Variants in RTN4IP1 observed in about 807,000 individuals in gnomAD.
RTN4IP1 encodes NAD(P)H oxidoreductase RTN4IP1, mitochondrial.
RTN4IP1 carries 32 observed loss-of-function variants against 46.6 expected under a neutral mutation model. That is an observed-to-expected ratio of 0.69 (90% CI 0.52 to 0.92). The LOEUF (loss-of-function observed/expected upper bound fraction) is 0.92, where lower values mean the gene tolerates loss of function less well. RTN4IP1 is among the 40% of genes least tolerant of loss of function. The pLI, the probability that RTN4IP1 is intolerant of heterozygous loss-of-function variation, is 0.00. For synonymous variants in RTN4IP1, 167 were observed against 161.8 expected (o/e 1.03, Z -0.24); for missense variants, 424 against 485.8 (o/e 0.87, Z 1.20).
intron 8 of RTN4IP1, among the ~76,000 whole-genome samples, chr6:106,574,875 A>C (rs1373401060): frequency 6.6e-6 from 1 of 152,250 alleles, no homozygotes; most frequent in African/African-American, 2.4e-5. Context: ...GTTACTGCCC[A>C]CTTTAATCTG....
chr6:106,628,477 A>G (rs550550057), intron 1 of RTN4IP1, among the ~76,000 whole-genome samples: 2 of 152,188 alleles, frequency 1.3e-5, no homozygotes, highest in Non-Finnish European at 2.9e-5. Flanking sequence ...CAAAAAAAAA[A>G]AAGTTAGCTA....
chr6:106,581,975 A>G (rs534906742), intron 8 of RTN4IP1, among the ~76,000 whole-genome samples: 125 of 152,344 alleles, frequency 8.2e-4, no homozygotes, highest in African/African-American at 2.9e-3. Flanking sequence ...TAGAAATAAA[A>G]TAAGCATTCC....
At chr6:106,578,603 A>G (rs1775282898) in intron 8 of RTN4IP1, among the ~76,000 whole-genome samples, 1 of 152,204 alleles carries the variant, frequency 6.6e-6, no homozygotes, top group Non-Finnish European at 1.5e-5. Context: ...ATTATAAATC[A>G]TTCTTTTTGA....
At chr6:106,580,819 T>C (rs1775352351) in intron 8 of RTN4IP1, among the ~76,000 whole-genome samples, 1 of 151,828 alleles carries the variant, frequency 6.6e-6, no homozygotes, top group African/African-American at 2.4e-5. Context: ...TACAATTAGG[T>C]ACTAAACATA....
rs1313578314 is a variant in RTN4IP1 at position 106,578,170 on chromosome 6, C to A, written c.1083+5158G>T. ...AAATACAAGATGACAGAGTAAAATACCAAGAACTCAAACTCTAGGTAACAA... is the reference window on the plus strand; with the variant it reads ...AAATACAAGATGACAGAGTAAAATAACAAGAACTCAAACTCTAGGTAACAA... On this transcript the variant is annotated intron_variant, in intron 8 of 8. Transcript: ENST00000369063. 2.0e-5 allele frequency among the ~76,000 whole-genome samples: 3 copies of A among 152,156 alleles called. No individual in the cohort carries two copies. The East Asian group carries it at 5.8e-4, about 29-fold the overall frequency.
intron 1 of RTN4IP1, among the ~76,000 whole-genome samples, chr6:106,626,741 T>A (rs936044120): frequency 2.6e-5 from 4 of 152,170 alleles, no homozygotes; most frequent in African/African-American, 9.7e-5. Context: ...GGCCCTTAAG[T>A]GTTCCATCCT....
intron 4 of RTN4IP1, among the ~76,000 whole-genome samples, chr6:106,605,676 G>C (rs1776046824): frequency 6.6e-6 from 1 of 151,582 alleles, no homozygotes; most frequent in Non-Finnish European, 1.5e-5. Flanking sequence ...AATTAGCCAG[G>C]CATGGTGGCA....
chr6:106,628,208 C>T (rs535501632), intron 1 of RTN4IP1, among the ~76,000 whole-genome samples: 4 of 152,180 alleles, frequency 2.6e-5, no homozygotes, highest in Admixed American at 2.6e-4. Flanking sequence ...AATGGCTCGT[C>T]TGTAATCCCA....
rs535245385 is a variant in RTN4IP1 at position 106,602,671 on chromosome 6, G to A, written c.669+203C>T. Among the ~76,000 whole-genome samples, 26 of 152,156 alleles carry A rather than the reference G, an allele frequency of 1.7e-4. No individual in the cohort carries two copies. In the South Asian group the frequency reaches 5.2e-3, roughly 30 times the overall value. On this transcript the variant is annotated intron_variant, in intron 5 of 8. Transcript: ENST00000369063. ...TGATTGTGCCACTGCACTCCAGCCT[G>A]GGTGACACAGCAAGACTCCATCTCT...
In RTN4IP1 at chr6:106,622,745, C is replaced by T. The variant is rs112211355; in HGVS notation, c.426+73G>A. 1,153 of 1,464,766 alleles carry T rather than the reference C, an allele frequency of 7.9e-4. 7 individuals carry two copies. In the African/African-American group the frequency reaches 0.012, roughly 15 times the overall value. The allele number at this position is 1,464,766 out of a possible 1,614,324, so 90.7% of individuals were successfully genotyped here. On this transcript the variant is annotated intron_variant, in intron 2 of 8. Coordinates refer to ENST00000369063, the MANE Select transcript of RTN4IP1 (RefSeq NM_032730.5). Reference sequence around the variant, plus strand: ...CAGGCAAAGTATCTGTGTCAGTGTGCGTCTCTCATCCGTCGCTGGATCAGG... The same window carrying T: ...CAGGCAAAGTATCTGTGTCAGTGTGTGTCTCTCATCCGTCGCTGGATCAGG...
At chr6:106,627,113 T>C (rs1322855829) in intron 1 of RTN4IP1, among the ~76,000 whole-genome samples, 1 of 143,366 alleles carries the variant, frequency 7.0e-6, no homozygotes, top group Non-Finnish European at 1.5e-5. Context: ...TCTTCTGCAA[T>C]GACAATAAAT....
chr6:106,583,542 A>AG, intron 7 of RTN4IP1, 122 bp from the exon 8 acceptor site: 1 of 732,602 alleles, frequency 1.4e-6, no homozygotes. Flanking sequence ...TCATGCTGAC[A>AG]AAATGTGTGC....
rs1461421418 is a variant in RTN4IP1 at position 106,629,198 on chromosome 6, G to C, written c.-177C>G. 3.3e-6 allele frequency: 2 copies of C among 613,468 alleles called. No homozygotes were observed. The allele number at this position is 613,468 out of a possible 1,614,324, so 38.0% of individuals were successfully genotyped here. On this transcript the variant is annotated 5_prime_UTR_variant, in exon 1 of 9. Coordinates refer to ENST00000369063, the MANE Select transcript of RTN4IP1 (RefSeq NM_032730.5). Reference sequence around the variant, plus strand: ...ATGGAGAAACTGAAAGAAGAATACGGAACTGTTATTCCGCTCTTCGCATAT... The same window carrying C: ...ATGGAGAAACTGAAAGAAGAATACGCAACTGTTATTCCGCTCTTCGCATAT...
At chr6:106,619,415 T>G in intron 3 of RTN4IP1, 89 bp from the exon 4 acceptor site, 2 of 1,480,516 alleles carry the variant, frequency 1.4e-6, no homozygotes, top group Non-Finnish European at 1.8e-6. Context: ...GGAATCCAGC[T>G]GACCCTTGAA....
chr6:106,591,757 T>C (rs1342727701), intron 6 of RTN4IP1, among the ~76,000 whole-genome samples: 1 of 152,132 alleles, frequency 6.6e-6, no homozygotes, highest in Non-Finnish European at 1.5e-5. Context: ...ACTTACACTG[T>C]TTCTCTTAAG....
chr6:106,596,625 C>T (rs1562141103), intron 5 of RTN4IP1, among the ~76,000 whole-genome samples: 1 of 152,204 alleles, frequency 6.6e-6, no homozygotes, highest in Non-Finnish European at 1.5e-5. Context: ...CTTATCAGAA[C>T]ATATGGCTGT....
chr6:106,612,802 G>C (rs996955331), intron 4 of RTN4IP1, among the ~76,000 whole-genome samples: 2 of 152,038 alleles, frequency 1.3e-5, no homozygotes, highest in African/African-American at 4.8e-5. Flanking sequence ...CTTTAAATTA[G>C]CCAATCAGAA....
chr6:106,578,318 G>T (rs1429429822), intron 8 of RTN4IP1, among the ~76,000 whole-genome samples: 1 of 152,208 alleles, frequency 6.6e-6, no homozygotes, highest in Non-Finnish European at 1.5e-5. Context: ...TAGGGCCTCT[G>T]TCCCTTCAAA....
intron 4 of RTN4IP1, among the ~76,000 whole-genome samples, chr6:106,606,537 A>G (rs181017088): frequency 1.2e-3 from 177 of 150,516 alleles, no homozygotes; most frequent in Admixed American, 4.7e-3. Context: ...CAATAGCTAC[A>G]AAAAAACCAC....
Sources: allele counts gnomAD v4.1 joint callset (sites outside exome capture counted in the v4.1 genomes callset), GRCh38; gene constraint gnomAD v4.1.1; transcripts MANE v1.5; gene names NCBI Gene and HGNC (gene_info 2026-07-23, HGNC 2026-07-21).